The following NEK11 variants were observed in gnomAD, a reference collection of about 807,000 sequenced individuals.
NEK11 encodes the protein NIMA related kinase 11, also known as serine/threonine-protein kinase Nek11.
In NEK11, 72 loss-of-function variants were observed where a neutral mutation model predicts 80.7. The observed-to-expected ratio is 0.89, with a 90% CI of 0.74 to 1.08. NEK11 has a LOEUF of 1.08. NEK11 is among the 50% of genes least tolerant of loss of function. NEK11 has a pLI of 0.00. For missense variants in NEK11, 764 were observed against 763.6 expected (o/e 1.00, Z -0.01); for synonymous variants, 251 against 260.7 (o/e 0.96, Z 0.36).
At chr3:131,320,359 A>G (rs1283549289) in intron 17 of NEK11, among the ~76,000 whole-genome samples, 2 of 152,184 alleles carry the variant, frequency 1.3e-5, no homozygotes. Context: ...AAGGAGATCC[A>G]GCAAACTACC....
intron 3 of NEK11, among the ~76,000 whole-genome samples, chr3:131,063,659 T>A (rs2071337332): frequency 6.6e-6 from 1 of 152,226 alleles, no homozygotes; most frequent in Non-Finnish European, 1.5e-5. Context: ...TAATAAGTTT[T>A]GTCTGATGGG....
intron 17 of NEK11, among the ~76,000 whole-genome samples, chr3:131,308,480 G>A (rs189306603): frequency 6.6e-6 from 1 of 152,264 alleles, no homozygotes; most frequent in African/African-American, 2.4e-5. Flanking sequence ...GTGAATGGGG[G>A]CAGAGGACAA....
At chr3:131,078,419 A>G (rs1261914290) in intron 3 of NEK11, among the ~76,000 whole-genome samples, 1 of 152,214 alleles carries the variant, frequency 6.6e-6, no homozygotes, top group Admixed American at 6.5e-5. Flanking sequence ...CTTCTAGGAC[A>G]GATTTCCTAA....
At chr3:131,093,387 A>G (rs1393592379) in intron 4 of NEK11, among the ~76,000 whole-genome samples, 3 of 151,540 alleles carry the variant, frequency 2.0e-5, no homozygotes, top group Non-Finnish European at 2.9e-5. Flanking sequence ...GTCTGAATAT[A>G]TGAATCTAAA....
At chr3:131,270,160 A>G (rs560079929) in intron 16 of NEK11, among the ~76,000 whole-genome samples, 1 of 152,354 alleles carries the variant, frequency 6.6e-6, no homozygotes, top group South Asian at 2.1e-4. Flanking sequence ...ATGACATTAA[A>G]TACCCAACAA....
intron 3 of NEK11, among the ~76,000 whole-genome samples, chr3:131,041,398 G>A (rs1379444048): frequency 6.6e-6 from 1 of 152,124 alleles, no homozygotes; most frequent in East Asian, 1.9e-4. Context: ...AACTTGCAGG[G>A]AGTAAGTACA....
chr3:131,272,783 A>G (rs1321936735), intron 16 of NEK11, among the ~76,000 whole-genome samples: 1 of 152,038 alleles, frequency 6.6e-6, no homozygotes, highest in Non-Finnish European at 1.5e-5. Flanking sequence ...ACCCAGTTTT[A>G]GCTTTTTAAT....
At chr3:131,153,735 A>G (rs373108965) in intron 9 of NEK11, among the ~76,000 whole-genome samples, 10 of 152,322 alleles carry the variant, frequency 6.6e-5, no homozygotes, top group African/African-American at 2.4e-4. Context: ...GGGATGCCAA[A>G]ATGAAAGGAA....
chr3:131,208,973 T>C (rs1021572036), intron 14 of NEK11, among the ~76,000 whole-genome samples: 1 of 152,204 alleles, frequency 6.6e-6, no homozygotes, highest in Admixed American at 6.5e-5. Flanking sequence ...TGTTGCCTGA[T>C]TGCCCTGGCC....
At chr3:131,161,264 A>C (rs2091538481) in intron 10 of NEK11, among the ~76,000 whole-genome samples, 1 of 152,236 alleles carries the variant, frequency 6.6e-6, no homozygotes, top group African/African-American at 2.4e-5. Context: ...CCATTGTGGA[A>C]AACAGTGTGG....
chr3:131,165,829 A>G (rs556217354), intron 12 of NEK11, among the ~76,000 whole-genome samples: 15 of 152,228 alleles, frequency 9.9e-5, no homozygotes, highest in Non-Finnish European at 2.1e-4. Flanking sequence ...ATGTGTGTAT[A>G]TCTAATTTTT....
At position 131,344,099 on chromosome 3, in the gene NEK11, A is replaced by G. The variant is rs186000945; in HGVS notation, c.1719-5458A>G. ...TATGCTATCCTTCCCTTTTAAATATAAATTCCAAATTTTGTCATTTCTTTG... is the reference window on the plus strand; with the variant it reads ...TATGCTATCCTTCCCTTTTAAATATGAATTCCAAATTTTGTCATTTCTTTG... On this transcript the variant is annotated intron_variant, in intron 17 of 17. Coordinates refer to ENST00000383366, the MANE Select transcript of NEK11 (RefSeq NM_024800.5). Among the ~76,000 whole-genome samples, 11 of 152,314 alleles carry G rather than the reference A, an allele frequency of 7.2e-5. No homozygotes were observed. The East Asian group carries it at 9.6e-4, about 13-fold the overall frequency.
At chr3:131,171,243 A>G (rs1037816153) in intron 14 of NEK11, among the ~76,000 whole-genome samples, 3 of 152,150 alleles carry the variant, frequency 2.0e-5, no homozygotes. Context: ...TCCAGTTGTC[A>G]TAAATTTAAA....
At chr3:131,077,074 A>G (rs2074476963) in intron 3 of NEK11, among the ~76,000 whole-genome samples, 1 of 152,138 alleles carries the variant, frequency 6.6e-6, no homozygotes, top group South Asian at 2.1e-4. Flanking sequence ...CGAATTTCCA[A>G]AGTTATTCTC....
chr3:131,212,985 T>G (rs1477983490), intron 14 of NEK11, among the ~76,000 whole-genome samples: 1 of 152,170 alleles, frequency 6.6e-6, no homozygotes, highest in Non-Finnish European at 1.5e-5. Context: ...GTTGAAAGCT[T>G]TAAGAGAAGA....
At chr3:131,348,766 G>A (rs1207918751) in intron 17 of NEK11, among the ~76,000 whole-genome samples, 1 of 151,544 alleles carries the variant, frequency 6.6e-6, no homozygotes, top group Non-Finnish European at 1.5e-5. Flanking sequence ...CGGCCTTGGT[G>A]GAAACTTGGC....
intron 17 of NEK11, among the ~76,000 whole-genome samples, chr3:131,336,634 A>G (rs1480427913): frequency 1.3e-5 from 2 of 152,212 alleles, no homozygotes; most frequent in Non-Finnish European, 2.9e-5. Context: ...TCATTAAACT[A>G]AAGAGCTTCT....
At chr3:131,067,913 T>G (rs2072344581) in intron 3 of NEK11, among the ~76,000 whole-genome samples, 1 of 152,200 alleles carries the variant, frequency 6.6e-6, no homozygotes, top group South Asian at 2.1e-4. Flanking sequence ...CGGACGGTTT[T>G]GGGGTCATAT....
chr3:131,288,408 A>G (rs1182763523), intron 17 of NEK11, among the ~76,000 whole-genome samples: 1 of 146,802 alleles, frequency 6.8e-6, no homozygotes, highest in Non-Finnish European at 1.5e-5. Flanking sequence ...AATCAAATTT[A>G]CCTCTGTCTT....
Sources: gnomAD v4.1 joint callset for allele counts (sites outside exome capture counted in the v4.1 genomes callset) on GRCh38, gnomAD v4.1.1 for gene constraint, MANE v1.5 for transcripts, NCBI Gene and HGNC (gene_info 2026-07-23, HGNC 2026-07-21) for gene names.